The following WWOX variants were observed in gnomAD, a reference collection of about 807,000 sequenced individuals.
WWOX encodes WW domain containing oxidoreductase, also known as WW domain-containing oxidoreductase.
In WWOX, 69 loss-of-function variants were observed where a neutral mutation model predicts 46.2. The ratio of observed to expected loss-of-function variants is 1.49; its 90% CI spans 1.23 to 1.82. The LOEUF (loss-of-function observed/expected upper bound fraction) is 1.82, where lower values mean the gene tolerates loss of function less well. Among genes scored for constraint, WWOX ranks in the 40% most tolerant of loss-of-function variants. The pLI is 0.00. For synonymous variants in WWOX, 359 were observed against 202.6 expected, an observed-to-expected ratio of 1.77 and a Z score of -6.56; for missense variants, 919 against 542.6, an observed-to-expected ratio of 1.69 and a Z score of -6.89.
In WWOX at chr16:78,656,923, C is replaced by G. The variant is rs1030543456; in HGVS notation, c.1056+224171C>G. 1.3e-5 allele frequency among the ~76,000 whole-genome samples: 2 copies of G among 152,178 alleles called. 1 individual carries two copies. The highest frequency in any genetic ancestry group is 2.9e-5 in the Non-Finnish European group (2 of 68,030). ...TGTTTAGGGAAGGCTGTCGATACAC[C>G]GCTGCTCTGACCATCATGGCGTCTG... On this transcript the variant is annotated intron_variant, in intron 8 of 8. Coordinates refer to ENST00000566780, the MANE Select transcript of WWOX (RefSeq NM_016373.4).
intron 5 of WWOX, among the ~76,000 whole-genome samples, chr16:78,281,778 A>G (rs1229632000): frequency 6.6e-6 from 1 of 152,114 alleles, no homozygotes; most frequent in Non-Finnish European, 1.5e-5. Flanking sequence ...TGTGTGCTGT[A>G]TAAGAACACA....
intron 8 of WWOX, among the ~76,000 whole-genome samples, chr16:78,869,157 A>T (rs901466465): frequency 6.6e-6 from 1 of 152,170 alleles, no homozygotes; most frequent in Admixed American, 6.5e-5. Context: ...AATTGTATAT[A>T]CGTTTTAGTC....
At chr16:78,812,142 C>T (rs1298591300) in intron 8 of WWOX, among the ~76,000 whole-genome samples, 4 of 152,006 alleles carry the variant, frequency 2.6e-5, no homozygotes. Context: ...CAGTAGGTAC[C>T]AATGCATGGC....
chr16:78,433,980 G>A (rs1431878384), intron 8 of WWOX, among the ~76,000 whole-genome samples: 2 of 151,586 alleles, frequency 1.3e-5, no homozygotes, highest in African/African-American at 4.8e-5. Context: ...TAGTAGAGAC[G>A]GGGTTTCACC....
chr16:79,027,027 C>T (rs1182251090), intron 8 of WWOX, among the ~76,000 whole-genome samples: 1 of 151,414 alleles, frequency 6.6e-6, no homozygotes, highest in Non-Finnish European at 1.5e-5. Context: ...TGCCTGTAAT[C>T]CCAGCACTTT....
At chr16:78,137,851 A>T (rs1017885539) in intron 4 of WWOX, among the ~76,000 whole-genome samples, 1 of 151,252 alleles carries the variant, frequency 6.6e-6, no homozygotes, top group African/African-American at 2.4e-5. Flanking sequence ...CAGTATCCAT[A>T]CTCTTAATAG....
intron 8 of WWOX, among the ~76,000 whole-genome samples, chr16:79,192,714 C>T (rs1297353178): frequency 2.6e-5 from 4 of 152,030 alleles, no homozygotes; most frequent in African/African-American, 9.7e-5. Flanking sequence ...TTGTGGAGTC[C>T]AGCCCCTTTG....
chr16:79,038,023 G>C (rs2047901332), intron 8 of WWOX, among the ~76,000 whole-genome samples: 1 of 152,128 alleles, frequency 6.6e-6, no homozygotes, highest in African/African-American at 2.4e-5. Context: ...TCCAATATCT[G>C]CCAGTTCCCC....
intron 8 of WWOX, among the ~76,000 whole-genome samples, chr16:78,571,989 G>T (rs2044727144): frequency 6.6e-6 from 1 of 152,200 alleles, no homozygotes; most frequent in African/African-American, 2.4e-5. Flanking sequence ...GGAATTTTAT[G>T]CATTACTGAA....
intron 8 of WWOX, among the ~76,000 whole-genome samples, chr16:79,093,642 CACG>C (rs1165510888): frequency 6.6e-6 from 1 of 152,226 alleles, no homozygotes; most frequent in Admixed American, 6.5e-5. Context: ...CAACAAACAT[CACG>C]ACATTACTTT....
At chr16:78,730,879 C>T (rs1597506788) in intron 8 of WWOX, among the ~76,000 whole-genome samples, 1 of 152,008 alleles carries the variant, frequency 6.6e-6, no homozygotes, top group Admixed American at 6.6e-5. Context: ...AACTTAGCAG[C>T]CACAGGAGAT....
Position 78,619,140 on chromosome 16 carries a change from AAAATATATATATATAT to A in WWOX, c.1056+186390_1056+186405del, listed in dbSNP as rs1567441187. 4.2e-4 allele frequency among the ~76,000 whole-genome samples: 5 copies of A among 11,772 alleles called. 2 individuals carry two copies. The highest frequency in any genetic ancestry group is 6.6e-3 in the South Asian group (2 of 304). 7.7% of individuals were successfully genotyped at this position (11,772 alleles called of 152,430 possible). A position where few individuals can be genotyped will look rare whatever the true frequency, so the allele number is the denominator to read the frequency against. ...GCAAAACCCCATTTCTACTAAAAAAAAAATATATATATATATATATATATATATATATATATATATA... is the reference window on the plus strand; with the variant it reads ...GCAAAACCCCATTTCTACTAAAAAAAATATATATATATATATATATATATA... On this transcript the variant is annotated intron_variant, in intron 8 of 8. Transcript: ENST00000566780.
intron 5 of WWOX, among the ~76,000 whole-genome samples, chr16:78,175,574 G>A (rs1234038861): frequency 1.3e-5 from 2 of 152,080 alleles, no homozygotes; most frequent in African/African-American, 2.4e-5. Context: ...CTGAGGTGAG[G>A]CCCATGCAAC....
intron 8 of WWOX, among the ~76,000 whole-genome samples, chr16:79,069,530 T>A (rs1597345041): frequency 6.6e-6 from 1 of 151,150 alleles, no homozygotes; most frequent in Non-Finnish European, 1.5e-5. Flanking sequence ...AGGAAAAGGG[T>A]CACATAAAAA....
chr16:78,391,993 T>C (rs989121702), intron 6 of WWOX, among the ~76,000 whole-genome samples: 2 of 135,212 alleles, frequency 1.5e-5, no homozygotes, highest in African/African-American at 6.6e-5. Context: ...AGGTTTTGTC[T>C]CCTTTTTTTT....
intron 8 of WWOX, chr16:78,757,002 C>T (rs753707705): frequency 3.0e-5 from 21 of 702,702 alleles, no homozygotes; most frequent in Non-Finnish European, 5.2e-5. Context: ...ACTGAGCCTC[C>T]TGCCAACAGC....
chr16:78,714,548 T>G (rs7192902), intron 8 of WWOX, among the ~76,000 whole-genome samples: 1 of 151,696 alleles, frequency 6.6e-6, no homozygotes, highest in Non-Finnish European at 1.5e-5. Context: ...ATATCATGTC[T>G]TGGCAGCCAT....
intron 8 of WWOX, among the ~76,000 whole-genome samples, chr16:78,578,254 TTA>T (rs1194130355): frequency 0.011 from 337 of 31,630 alleles, 5 homozygotes; most frequent in Middle Eastern, 0.048. Flanking sequence ...ATACCAAATT[TTA>T]TATATATATA....
At chr16:78,576,968 T>TC (rs1243548299) in intron 8 of WWOX, among the ~76,000 whole-genome samples, 3 of 152,328 alleles carry the variant, frequency 2.0e-5, no homozygotes, top group African/African-American at 7.2e-5. Flanking sequence ...CCATCTTCAC[T>TC]CCATGTAATT....
Sources: allele counts gnomAD v4.1 joint callset (sites outside exome capture counted in the v4.1 genomes callset), GRCh38; gene constraint gnomAD v4.1.1; transcripts MANE v1.5; gene names NCBI Gene and HGNC (gene_info 2026-07-23, HGNC 2026-07-21).